PRKG1: variants seen among roughly 807,000 people sequenced by gnomAD.
PRKG1 encodes the protein protein kinase cGMP-dependent 1.
Under a neutral mutation model 88.1 loss-of-function variants are expected in PRKG1, and 35 were observed. That is an observed-to-expected ratio of 0.40 (90% CI 0.30 to 0.53). The LOEUF (loss-of-function observed/expected upper bound fraction) is 0.53. Ranked by LOEUF, PRKG1 falls within the 20% of genes least tolerant of loss-of-function variation. The pLI is 0.59. For missense variants in PRKG1, 540 were observed against 839.8 expected (o/e 0.64, Z 4.41); for synonymous variants, 303 against 292.5 (o/e 1.04, Z -0.37).
chr10:51,123,572 G>C (rs1170330355), intron 1 of PRKG1, among the ~76,000 whole-genome samples: 1 of 151,952 alleles, frequency 6.6e-6, no homozygotes, highest in Non-Finnish European at 1.5e-5. Context: ...TGTAATCCCA[G>C]CTACTCGGGT....
intron 2 of PRKG1, among the ~76,000 whole-genome samples, chr10:51,177,756 A>G (rs969044271): frequency 7.2e-5 from 11 of 152,048 alleles, no homozygotes; most frequent in African/African-American, 2.7e-4. Context: ...ATATATTTAT[A>G]CTATAATTAA....
chr10:52,171,786 A>AT (rs545195374), intron 9 of PRKG1, among the ~76,000 whole-genome samples: 8,341 of 93,718 alleles, frequency 0.089, 1,099 homozygotes, highest in East Asian at 0.19. Flanking sequence ...TTTTATCAAA[A>AT]TTTTTTTTTT....
At chr10:51,849,847 C>A (rs749502771) in intron 4 of PRKG1, among the ~76,000 whole-genome samples, 6 of 151,962 alleles carry the variant, frequency 3.9e-5, no homozygotes, top group Non-Finnish European at 8.8e-5. Flanking sequence ...TTTGATGGGG[C>A]CTTAAGCATA....
intron 3 of PRKG1, among the ~76,000 whole-genome samples, chr10:51,649,020 T>TATAAATAA (rs993069324): frequency 3.9e-5 from 6 of 152,050 alleles, no homozygotes; most frequent in Non-Finnish European, 7.4e-5. Flanking sequence ...ACCCCGTCTC[T>TATAAATAA]ATAAATAAAT....
At chr10:51,802,996 C>T (rs1445515346) in intron 3 of PRKG1, among the ~76,000 whole-genome samples, 1 of 152,108 alleles carries the variant, frequency 6.6e-6, no homozygotes, top group Non-Finnish European at 1.5e-5. Context: ...GTACTTTCCC[C>T]ACCCAGTTAC....
intron 8 of PRKG1, among the ~76,000 whole-genome samples, chr10:52,156,306 GCCTT>G (rs1838094705): frequency 1.3e-5 from 2 of 151,886 alleles, no homozygotes; most frequent in East Asian, 1.9e-4. Context: ...GCACGCTATA[GCCTT>G]CCTTCTGATA....
At chr10:52,221,666 G>A (rs1002751211) in intron 9 of PRKG1, among the ~76,000 whole-genome samples, 4 of 152,092 alleles carry the variant, frequency 2.6e-5, no homozygotes, top group African/African-American at 9.7e-5. Context: ...AATAAATGAG[G>A]AGCTATAACA....
intron 4 of PRKG1, among the ~76,000 whole-genome samples, chr10:51,895,903 C>T (rs1841832952): frequency 6.6e-6 from 1 of 151,988 alleles, no homozygotes; most frequent in South Asian, 2.1e-4. Context: ...ACCAGAGCTC[C>T]CAGCCTGACA....
intron 7 of PRKG1, among the ~76,000 whole-genome samples, chr10:52,133,021 A>G (rs1837308494): frequency 7.5e-6 from 1 of 133,662 alleles, no homozygotes; most frequent in African/African-American, 3.0e-5. Context: ...ATCATATTGT[A>G]CTATCAAATA....
intron 3 of PRKG1, among the ~76,000 whole-genome samples, chr10:51,623,640 T>C (rs1278278022): frequency 1.3e-5 from 2 of 152,174 alleles, no homozygotes; most frequent in African/African-American, 4.8e-5. Flanking sequence ...ATGGAATTGC[T>C]TATGGAATAG....
At chr10:51,287,502 C>G (rs1347953039) in intron 2 of PRKG1, among the ~76,000 whole-genome samples, 1 of 152,072 alleles carries the variant, frequency 6.6e-6, no homozygotes, top group Non-Finnish European at 1.5e-5. Context: ...AGATGAAGGT[C>G]CTGTTCACAT....
At chr10:52,167,383 C>A (rs1838512330) in intron 9 of PRKG1, among the ~76,000 whole-genome samples, 1 of 152,166 alleles carries the variant, frequency 6.6e-6, no homozygotes, top group Non-Finnish European at 1.5e-5. Flanking sequence ...TCCCATCAGG[C>A]CCAACCTCCA....
chr10:51,099,182 G>T (rs1844616581), intron 1 of PRKG1, among the ~76,000 whole-genome samples: 1 of 152,050 alleles, frequency 6.6e-6, no homozygotes, highest in Non-Finnish European at 1.5e-5. Flanking sequence ...CTTCTCTGAG[G>T]CTCGCTTTGT....
chr10:51,344,224 C>A (rs1842063590), intron 2 of PRKG1, among the ~76,000 whole-genome samples: 1 of 152,112 alleles, frequency 6.6e-6, no homozygotes, highest in African/African-American at 2.4e-5. Flanking sequence ...GCAGGCACGT[C>A]ACATGGCTAG....
chr10:51,336,843 T>G (rs1841887974), intron 2 of PRKG1, among the ~76,000 whole-genome samples: 1 of 152,190 alleles, frequency 6.6e-6, no homozygotes, highest in South Asian at 2.1e-4. Flanking sequence ...CCCAAAATAA[T>G]TTATAGATAC....
chr10:51,928,369 A>G (rs139346203), intron 5 of PRKG1, among the ~76,000 whole-genome samples: 1 of 152,310 alleles, frequency 6.6e-6, no homozygotes, highest in East Asian at 1.9e-4. Flanking sequence ...TAGAACTATT[A>G]TCGTTTTCTG....
chr10:51,902,069 T>A (rs1841992060), intron 4 of PRKG1, among the ~76,000 whole-genome samples: 2 of 152,086 alleles, frequency 1.3e-5, no homozygotes, highest in Non-Finnish European at 2.9e-5. Flanking sequence ...AAAGCGATAA[T>A]CTATTCTTAA....
intron 3 of PRKG1, among the ~76,000 whole-genome samples, chr10:51,609,108 C>G (rs1198346305): frequency 2.0e-5 from 3 of 151,228 alleles, no homozygotes; most frequent in African/African-American, 4.9e-5. Flanking sequence ...TATTATTATA[C>G]TTTAAGTTTT....
At chr10:51,075,704 A>G (rs945382941) in intron 1 of PRKG1, among the ~76,000 whole-genome samples, 2 of 152,074 alleles carry the variant, frequency 1.3e-5, no homozygotes, top group Non-Finnish European at 2.9e-5. Context: ...TGTTTGCCTT[A>G]CTCTTGGCTT....
Sources: gnomAD v4.1 joint callset for allele counts (sites outside exome capture counted in the v4.1 genomes callset) on GRCh38, gnomAD v4.1.1 for gene constraint, MANE v1.5 for transcripts, NCBI Gene and HGNC (gene_info 2026-07-23, HGNC 2026-07-21) for gene names.